Variants in EYS observed in about 807,000 individuals in gnomAD.
EYS encodes the protein EGF-like photoreceptor maintenance factor.
EYS carries 250 observed loss-of-function variants against 282.1 expected under a neutral mutation model. The ratio of observed to expected loss-of-function variants is 0.89; its 90% CI spans 0.80 to 0.98. The LOEUF (loss-of-function observed/expected upper bound fraction) is 0.98. EYS is among the 50% of genes least tolerant of loss of function. The probability of loss-of-function intolerance (pLI) is 0.00; values close to 1 mark genes in which losing one functional copy is unlikely to be tolerated. For synonymous variants in EYS, 1,355 were observed against 1,282.9 expected (o/e 1.06, Z -1.20); for missense variants, 4,016 against 3,709.0 (o/e 1.08, Z -2.15).
intron 35 of EYS, among the ~76,000 whole-genome samples, chr6:63,961,906 T>C (rs1485005690): frequency 1.3e-5 from 2 of 152,240 alleles, no homozygotes; most frequent in Non-Finnish European, 2.9e-5. Flanking sequence ...TTTCCAAATT[T>C]ACATTATAGA....
intron 2 of EYS, among the ~76,000 whole-genome samples, chr6:65,598,123 C>CA (rs199970211): frequency 6.5e-5 from 5 of 76,348 alleles, no homozygotes; most frequent in Non-Finnish European, 1.0e-4. Flanking sequence ...CAAAACAAAA[C>CA]AAACAAACAA....
At chr6:65,073,409 G>C (rs1341790484) in intron 12 of EYS, among the ~76,000 whole-genome samples, 5 of 151,666 alleles carry the variant, frequency 3.3e-5, no homozygotes, top group African/African-American at 4.8e-5. Flanking sequence ...CCTCTCTGAA[G>C]TATATCCTAG....
intron 22 of EYS, among the ~76,000 whole-genome samples, chr6:64,792,188 T>C (rs1774212048): frequency 6.6e-6 from 1 of 151,922 alleles, no homozygotes; most frequent in African/African-American, 2.4e-5. Flanking sequence ...GCTCCACTTT[T>C]AGATATACAT....
At chr6:65,142,737 G>T (rs1764378626) in intron 12 of EYS, among the ~76,000 whole-genome samples, 1 of 151,850 alleles carries the variant, frequency 6.6e-6, no homozygotes, top group East Asian at 1.9e-4. Context: ...GGAGGCCAAG[G>T]AGACATACTG....
intron 22 of EYS, among the ~76,000 whole-genome samples, chr6:64,752,791 C>G (rs1772803729): frequency 6.6e-6 from 1 of 152,052 alleles, no homozygotes; most frequent in South Asian, 2.1e-4. Context: ...GACATCTCAT[C>G]AGATGAAGTG....
chr6:63,971,454 G>A (rs946631108), intron 35 of EYS, among the ~76,000 whole-genome samples: 6 of 152,084 alleles, frequency 3.9e-5, no homozygotes, highest in African/African-American at 1.4e-4. Flanking sequence ...CTAGATTATA[G>A]AAAATAGCAC....
intron 35 of EYS, among the ~76,000 whole-genome samples, chr6:63,922,043 G>A (rs969656786): frequency 3.9e-5 from 6 of 152,114 alleles, no homozygotes; most frequent in South Asian, 2.1e-4. Context: ...CACAGCCTTC[G>A]AGGAAAGGCT....
At chr6:65,399,599 T>C (rs1425854750) in intron 7 of EYS, among the ~76,000 whole-genome samples, 1 of 152,058 alleles carries the variant, frequency 6.6e-6, no homozygotes, top group African/African-American at 2.4e-5. Context: ...AGATAACTAA[T>C]AATTGAGTGA....
chr6:64,638,833 A>C lies in EYS; in HGVS notation c.3444-12588T>G, dbSNP rs1185245577. 2.2e-5 allele frequency among the ~76,000 whole-genome samples: 2 copies of C among 91,068 alleles called. 1 individual carries two copies. The highest frequency in any genetic ancestry group is 4.7e-5 in the Non-Finnish European group (2 of 42,622). The allele number at this position is 91,068 out of a possible 152,430, so 59.7% of individuals were successfully genotyped here. Reference sequence around the variant, plus strand: ...TACCAAATGCTGTTCTAATGTTACCAGTTACCAACATATTCAAGCCACTCA... The same window carrying C: ...TACCAAATGCTGTTCTAATGTTACCCGTTACCAACATATTCAAGCCACTCA... On this transcript the variant is annotated intron_variant, in intron 22 of 42. Coordinates refer to ENST00000503581, the MANE Select transcript of EYS (RefSeq NM_001142800.2).
At position 65,494,705 on chromosome 6, in the gene EYS, C is replaced by A. The variant is rs1473508976; in HGVS notation, c.706G>T (p.Asp236Tyr). Residue 236 changes from aspartate to tyrosine, a missense_variant, in exon 4 of 43, where the codon GAT becomes TAT. Transcript: ENST00000503581. Reference sequence around the variant, plus strand: ...CAGACACATTCATATGCTTGCTCATCCCAATTTTCTCTTTTATTAATGCAA... The same window carrying A: ...CAGACACATTCATATGCTTGCTCATACCAATTTTCTCTTTTATTAATGCAA... ...GSCINKRENW[D>Y]EQAYECVCHP... The A allele has an allele frequency of 1.3e-6, 2 of 1,598,602 alleles. No individual in the cohort carries two copies. The highest frequency in any genetic ancestry group is 1.7e-6 in the Non-Finnish European group (2 of 1,171,134).
intron 35 of EYS, among the ~76,000 whole-genome samples, chr6:63,876,519 G>C (rs1772976307): frequency 6.6e-6 from 1 of 152,108 alleles, no homozygotes; most frequent in Admixed American, 6.5e-5. Flanking sequence ...TCAATTCCTG[G>C]ATATCCTTGT....
chr6:64,237,701 C>T (rs151328864), intron 30 of EYS, among the ~76,000 whole-genome samples: 256 of 152,210 alleles, frequency 1.7e-3, no homozygotes, highest in African/African-American at 5.5e-3. Context: ...TTTGAATTGC[C>T]AGCATTCTCA....
At chr6:64,204,720 A>T (rs1765565891) in intron 31 of EYS, among the ~76,000 whole-genome samples, 1 of 152,188 alleles carries the variant, frequency 6.6e-6, no homozygotes, top group East Asian at 1.9e-4. Context: ...ATGAACAAGC[A>T]CAAGAAAAGT....
At chr6:64,840,279 A>T (rs1765522992) in intron 19 of EYS, among the ~76,000 whole-genome samples, 1 of 152,134 alleles carries the variant, frequency 6.6e-6, no homozygotes, top group African/African-American at 2.4e-5. Flanking sequence ...AGTAAAGATA[A>T]CTGGTGCCTC....
intron 2 of EYS, among the ~76,000 whole-genome samples, chr6:65,615,964 A>G (rs929327084): frequency 6.6e-6 from 1 of 151,750 alleles, no homozygotes; most frequent in East Asian, 1.9e-4. Flanking sequence ...AGAAAAAAAA[A>G]TTATCAAATA....
At chr6:65,476,798 A>G (rs192174071) in intron 5 of EYS, among the ~76,000 whole-genome samples, 47 of 152,248 alleles carry the variant, frequency 3.1e-4, no homozygotes, top group African/African-American at 1.1e-3. Context: ...GATGGTCTCA[A>G]TCTCTTGACC....
At chr6:65,394,950 T>C in intron 7 of EYS, among the ~76,000 whole-genome samples, 1 of 152,298 alleles carries the variant, frequency 6.6e-6, no homozygotes, top group South Asian at 2.1e-4. Context: ...GCTACCCATA[T>C]CTTCTCCTGT....
chr6:64,537,305 A>C (rs1298608705), intron 26 of EYS, among the ~76,000 whole-genome samples: 1 of 150,204 alleles, frequency 6.7e-6, no homozygotes, highest in Non-Finnish European at 1.5e-5. Context: ...ATGATTTCCA[A>C]TTTCATCCAT....
intron 12 of EYS, among the ~76,000 whole-genome samples, chr6:65,120,753 G>A (rs1024365963): frequency 3.3e-5 from 5 of 151,958 alleles, no homozygotes; most frequent in African/African-American, 9.7e-5. Context: ...TTAGCCTCTC[G>A]TTCACAGACT....
Sources: allele counts gnomAD v4.1 joint callset (sites outside exome capture counted in the v4.1 genomes callset), GRCh38; gene constraint gnomAD v4.1.1; transcripts MANE v1.5; gene names NCBI Gene and HGNC (gene_info 2026-07-23, HGNC 2026-07-21).